KATNIP: variants seen among roughly 807,000 people sequenced by gnomAD.
KATNIP encodes the protein katanin interacting protein, also known as katanin-interacting protein.
Under a neutral mutation model 174.0 loss-of-function variants are expected in KATNIP, and 126 were observed. The ratio of observed to expected loss-of-function variants is 0.72; its 90% CI spans 0.63 to 0.84. The LOEUF (loss-of-function observed/expected upper bound fraction) is 0.84. Ranked by LOEUF, KATNIP falls within the 40% of genes least tolerant of loss-of-function variation. KATNIP has a pLI of 0.00. For synonymous variants in KATNIP, 810 were observed against 835.7 expected (o/e 0.97, Z 0.53); for missense variants, 1,958 against 2,109.7 (o/e 0.93, Z 1.41).
intron 15 of KATNIP, among the ~76,000 whole-genome samples, chr16:27,742,968 G>A (rs1266509): frequency 0.027 from 4,123 of 152,122 alleles, 94 homozygotes; most frequent in Non-Finnish European, 0.041. Flanking sequence ...AGGTATTAAG[G>A]CCAGCATGCA....
At chr16:27,571,324 C>T (rs1026458389) in intron 1 of KATNIP, among the ~76,000 whole-genome samples, 7 of 152,098 alleles carry the variant, frequency 4.6e-5, no homozygotes, top group African/African-American at 1.2e-4. Flanking sequence ...TGAGCCACCA[C>T]GACTGGCCAC....
chr16:27,591,325 C>T (rs997265769), intron 2 of KATNIP, among the ~76,000 whole-genome samples: 3 of 152,086 alleles, frequency 2.0e-5, no homozygotes, highest in Admixed American at 6.6e-5. Context: ...GCTGGTATTA[C>T]AGGCACGCAC....
At chr16:27,695,952 G>A (rs186628787) in intron 8 of KATNIP, among the ~76,000 whole-genome samples, 33 of 152,224 alleles carry the variant, frequency 2.2e-4, no homozygotes, top group Middle Eastern at 3.4e-3. Flanking sequence ...GAAGCAAATG[G>A]AAGCCTTCAT....
intron 2 of KATNIP, among the ~76,000 whole-genome samples, chr16:27,599,298 A>G (rs1024408448): frequency 5.9e-5 from 9 of 152,228 alleles, no homozygotes; most frequent in Non-Finnish European, 1.3e-4. Context: ...TGCTTCGAAG[A>G]TTCCTCAAGG....
intron 18 of KATNIP, among the ~76,000 whole-genome samples, chr16:27,757,775 G>A (rs371698114): frequency 3.3e-5 from 5 of 152,130 alleles, no homozygotes; most frequent in East Asian, 3.9e-4. Flanking sequence ...TCACCACTCC[G>A]TGCAAGAGCG....
chr16:27,551,961 G>A (rs1371261744), intron 1 of KATNIP, among the ~76,000 whole-genome samples: 4 of 152,010 alleles, frequency 2.6e-5, no homozygotes, highest in Admixed American at 6.6e-5. Context: ...CCAGCAGTTT[G>A]GGAGGCTGAA....
chr16:27,606,129 CA>C (rs1029190640), intron 2 of KATNIP, among the ~76,000 whole-genome samples: 29 of 149,808 alleles, frequency 1.9e-4, no homozygotes, highest in Non-Finnish European at 3.6e-4. Flanking sequence ...GACTCTGTCT[CA>C]AAAAAAAAGA....
chr16:27,770,101 G>A (rs1030812026), intron 21 of KATNIP, 83 bp downstream of exon 21: 22 of 1,468,720 alleles, frequency 1.5e-5, no homozygotes, highest in South Asian at 7.0e-5. Context: ...TGTACATTCC[G>A]AAAGGGTTTT....
At chr16:27,587,513 TTA>T (rs2090946929) in intron 2 of KATNIP, among the ~76,000 whole-genome samples, 2 of 152,240 alleles carry the variant, frequency 1.3e-5, no homozygotes, top group South Asian at 4.1e-4. Context: ...ATAATCACTA[TTA>T]CAGATGCTCC....
rs1336338795 is a variant in KATNIP, at chr16:27,623,265, A to G, written c.140+4764A>G. Among the ~76,000 whole-genome samples, 4 of 152,332 alleles carry G rather than the reference A, an allele frequency of 2.6e-5. No individual in the cohort carries two copies. In the East Asian group the frequency reaches 7.7e-4, roughly 29 times the overall value. On this transcript the variant is annotated intron_variant, in intron 3 of 27. Transcript: ENST00000261588. ...GCCCCACGGGCCAGAACTCAAATCC[A>G]GGTTGGAGGTTTCCTTGGCTCTCTG...
chr16:27,589,613 A>G (rs931891773), intron 2 of KATNIP, among the ~76,000 whole-genome samples: 1 of 152,136 alleles, frequency 6.6e-6, no homozygotes, highest in Admixed American at 6.5e-5. Flanking sequence ...TGTCTTTCTA[A>G]TTGTATGGAA....
intron 14 of KATNIP, among the ~76,000 whole-genome samples, chr16:27,723,946 G>A (rs1185948142): frequency 6.6e-6 from 1 of 152,240 alleles, no homozygotes; most frequent in Non-Finnish European, 1.5e-5. Flanking sequence ...GAAACTAACA[G>A]GACAGGCAGC....
chr16:27,615,818 G>A (rs1408328163), intron 2 of KATNIP, among the ~76,000 whole-genome samples: 2 of 152,150 alleles, frequency 1.3e-5, no homozygotes, highest in African/African-American at 4.8e-5. Flanking sequence ...GTGGTCCTGG[G>A]TCTCTCTTGG....
intron 6 of KATNIP, chr16:27,659,929 A>AC (rs1274094163): frequency 1.2e-6 from 1 of 805,924 alleles, no homozygotes; most frequent in Admixed American, 6.2e-5. Flanking sequence ...CTGAGCATGC[A>AC]CCCCCAGTTT....
chr16:27,643,113 GTA>G (rs1322027745), intron 5 of KATNIP: 1 of 152,230 alleles, frequency 6.6e-6, no homozygotes, highest in Non-Finnish European at 1.5e-5. Flanking sequence ...GGATTGCTGA[GTA>G]TCCTAACAGA....
Position 27,611,136 on chromosome 16 carries a change from C to G in KATNIP, c.64-7289C>G, listed in dbSNP as rs903650569. ...ACGTCCTCAACCTTGGCAAAAGAAA[C>G]TTTCTCAATTAACTAAGACCTATCT... On this transcript the variant is annotated intron_variant, in intron 2 of 27. Coordinates refer to ENST00000261588, the MANE Select transcript of KATNIP (RefSeq NM_015202.5). 4.6e-5 allele frequency among the ~76,000 whole-genome samples: 7 copies of G among 152,210 alleles called. 1 individual carries two copies. Among genetic ancestry groups the G allele is most frequent in the African/African-American group, 1.4e-4 (6 of 41,454 alleles).
intron 14 of KATNIP, among the ~76,000 whole-genome samples, chr16:27,728,298 G>C (rs934749891): frequency 1.3e-5 from 2 of 152,262 alleles, no homozygotes; most frequent in African/African-American, 4.8e-5. Context: ...GATGCAGTGA[G>C]TATAGTCTGT....
intron 2 of KATNIP, among the ~76,000 whole-genome samples, chr16:27,583,397 C>T (rs1217701009): frequency 6.6e-6 from 1 of 152,160 alleles, no homozygotes; most frequent in Non-Finnish European, 1.5e-5. Context: ...CCTCCCTCCA[C>T]CCCCAGAAGT....
intron 15 of KATNIP, among the ~76,000 whole-genome samples, chr16:27,745,366 T>C (rs912076289): frequency 6.6e-6 from 1 of 152,220 alleles, no homozygotes; most frequent in Non-Finnish European, 1.5e-5. Flanking sequence ...TTCCTCACGA[T>C]ATCAGCTTTC....
Sources: gnomAD v4.1 joint callset for allele counts (sites outside exome capture counted in the v4.1 genomes callset) on GRCh38, gnomAD v4.1.1 for gene constraint, MANE v1.5 for transcripts, NCBI Gene and HGNC (gene_info 2026-07-23, HGNC 2026-07-21) for gene names.